The following SORBS2 variants were observed in gnomAD, a reference collection of about 807,000 sequenced individuals.
SORBS2 encodes the protein sorbin and SH3 domain containing 2, also known as sorbin and SH3 domain-containing protein 2.
SORBS2 carries 46 observed loss-of-function variants against 97.7 expected under a neutral mutation model. That is an observed-to-expected ratio of 0.47 (90% confidence interval 0.37 to 0.60). The LOEUF (loss-of-function observed/expected upper bound fraction) is 0.60, where lower values mean the gene tolerates loss of function less well. Among genes scored for constraint, SORBS2 ranks in the 20% least tolerant of loss-of-function variants. The pLI, the probability that SORBS2 is intolerant of heterozygous loss-of-function variation, is 0.00. For missense variants in SORBS2, 1,316 were observed against 1,282.3 expected (o/e 1.03, Z -0.40); for synonymous variants, 476 against 473.4 (o/e 1.01, Z -0.07).
At chr4:185,918,969 C>A (rs897883208) in intron 1 of SORBS2, among the ~76,000 whole-genome samples, 7 of 152,166 alleles carry the variant, frequency 4.6e-5, no homozygotes, top group African/African-American at 1.7e-4. Flanking sequence ...GTACAAAAAT[C>A]TTCACAAAAC....
intron 1 of SORBS2, among the ~76,000 whole-genome samples, chr4:185,941,131 T>A (rs899938590): frequency 2.6e-5 from 4 of 152,234 alleles, no homozygotes; most frequent in African/African-American, 7.2e-5. Context: ...TAATAATAAT[T>A]AACATGTATT....
intron 1 of SORBS2, among the ~76,000 whole-genome samples, chr4:185,654,477 GT>G (rs201764704): frequency 3.3e-5 from 5 of 151,612 alleles, no homozygotes; most frequent in Non-Finnish European, 5.9e-5. Flanking sequence ...TGACAGACAG[GT>G]TTTTTTTTCT....
At chr4:185,797,519 C>G (rs756390952) in intron 1 of SORBS2, among the ~76,000 whole-genome samples, 1 of 152,166 alleles carries the variant, frequency 6.6e-6, no homozygotes, top group Non-Finnish European at 1.5e-5. Flanking sequence ...GATCCTGATG[C>G]TGATGACAAA....
intron 2 of SORBS2, among the ~76,000 whole-genome samples, chr4:185,688,521 G>T (rs1270542199): frequency 6.6e-6 from 1 of 151,960 alleles, no homozygotes; most frequent in Non-Finnish European, 1.5e-5. Context: ...TAGATAGATA[G>T]ATAGATAGAT....
At chr4:185,624,025 C>G in exon 7 of SORBS2, 1 of 1,614,218 alleles carries the variant, frequency 6.2e-7, no homozygotes, top group Non-Finnish European at 8.5e-7. Flanking sequence ...CGGAGTTCAT[C>G]AGGTCCTTGC....
At chr4:185,738,928 C>G (rs1231907027) in intron 2 of SORBS2, among the ~76,000 whole-genome samples, 1 of 152,174 alleles carries the variant, frequency 6.6e-6, no homozygotes, top group Non-Finnish European at 1.5e-5. Flanking sequence ...GGAAGTGATA[C>G]CAGTGCAAGG....
At chr4:185,793,966 T>A (rs1383872180) in intron 1 of SORBS2, among the ~76,000 whole-genome samples, 1 of 152,238 alleles carries the variant, frequency 6.6e-6, no homozygotes, top group Non-Finnish European at 1.5e-5. Context: ...TGCCCCTTCC[T>A]GTCCTGCAAA....
At chr4:185,632,763 T>C (rs7692985) in intron 4 of SORBS2, among the ~76,000 whole-genome samples, 6,089 of 152,310 alleles carry the variant, frequency 0.04, 419 homozygotes, top group African/African-American at 0.14. Context: ...AAATAAAACA[T>C]AGTGTAAGAA....
chr4:185,881,811 A>T (rs931700912), intron 1 of SORBS2, among the ~76,000 whole-genome samples: 1 of 152,208 alleles, frequency 6.6e-6, no homozygotes, highest in Non-Finnish European at 1.5e-5. Context: ...ATGTAACCAA[A>T]GCATTAGGAG....
intron 1 of SORBS2, among the ~76,000 whole-genome samples, chr4:185,859,594 A>G (rs1364922651): frequency 2.0e-5 from 3 of 152,176 alleles, no homozygotes; most frequent in African/African-American, 4.8e-5. Context: ...TTGGGCCCCC[A>G]TGATTCCCCA....
chr4:185,819,777 A>T (rs6814916), intron 1 of SORBS2, among the ~76,000 whole-genome samples: 139,392 of 152,220 alleles, frequency 0.92, 64,017 homozygotes, highest in East Asian at 1. Context: ...ACTGTGCTTA[A>T]CTCCTCAGCA....
At chr4:185,662,015 G>T (rs781058306) in intron 5 of SORBS2, 89 bp downstream of exon 8, 33 of 1,457,792 alleles carry the variant, frequency 2.3e-5, no homozygotes, top group Non-Finnish European at 2.9e-5. Flanking sequence ...GAGCGCTCCC[G>T]CCTCACCTTG....
At chr4:185,827,159 TCAC>T (rs1296378832) in intron 1 of SORBS2, among the ~76,000 whole-genome samples, 2 of 42,460 alleles carry the variant, frequency 4.7e-5, no homozygotes, top group African/African-American at 1.7e-4. Context: ...ATCATCATCA[TCAC>T]CATCATCACC....
intron 12 of SORBS2, among the ~76,000 whole-genome samples, chr4:185,610,410 A>C (rs1171872703): frequency 1.0e-5 from 1 of 99,774 alleles, no homozygotes; most frequent in Non-Finnish European, 1.9e-5. Context: ...AAATATACTT[A>C]AGAAGATTCT....
rs185772171 is a variant in SORBS2 at position 185,821,558 on chromosome 4, G to A, written c.-337-46192C>T. Among the ~76,000 whole-genome samples the A allele has an allele frequency of 8.2e-4, 125 of 152,186 alleles. 1 individual carries two copies. Among genetic ancestry groups the A allele is most frequent in the Middle Eastern group, 3.4e-3 (1 of 294 alleles). ...CCTGCCTCAGCCTCCCGAGTAGCTG[G>A]GATTACAGGTGCCCGCCACCACACC... On this transcript the variant is annotated intron_variant, in intron 1 of 20. Coordinates refer to the SORBS2 transcript ENST00000284776.
intron 2 of SORBS2, among the ~76,000 whole-genome samples, chr4:185,756,151 T>A (rs1277122797): frequency 2.6e-5 from 4 of 152,168 alleles, no homozygotes; most frequent in Non-Finnish European, 4.4e-5. Context: ...AGAAAGATGT[T>A]CCAAGAAAAT....
intron 1 of SORBS2, among the ~76,000 whole-genome samples, chr4:185,955,609 G>A (rs1017907270): frequency 2.5e-4 from 38 of 152,152 alleles, no homozygotes; most frequent in Admixed American, 1.9e-3. Context: ...AAACAAGAGC[G>A]CCTAACACGC....
intron 4 of SORBS2, among the ~76,000 whole-genome samples, chr4:185,636,004 G>A (rs560820377): frequency 1.4e-4 from 21 of 151,924 alleles, no homozygotes; most frequent in African/African-American, 1.4e-4. Flanking sequence ...GATTACAGGC[G>A]TACGCCACCA....
At chr4:185,885,956 T>G (rs951084197) in intron 1 of SORBS2, among the ~76,000 whole-genome samples, 8 of 152,262 alleles carry the variant, frequency 5.3e-5, no homozygotes, top group Non-Finnish European at 1.2e-4. Context: ...GTTGTCACCC[T>G]ATTTAAAAGT....
Sources: gnomAD v4.1 joint callset for allele counts (sites outside exome capture counted in the v4.1 genomes callset) on GRCh38, gnomAD v4.1.1 for gene constraint, MANE v1.5 for transcripts, NCBI Gene and HGNC (gene_info 2026-07-23, HGNC 2026-07-21) for gene names.